Variants in CCDC7 observed in about 807,000 individuals in gnomAD.
The protein encoded by CCDC7 is coiled-coil domain containing 7.
CCDC7 carries 183 observed loss-of-function variants against 196.9 expected under a neutral mutation model. The ratio of observed to expected loss-of-function variants is 0.93; its 90% CI spans 0.82 to 1.05. The LOEUF (loss-of-function observed/expected upper bound fraction) is 1.05, where lower values mean the gene tolerates loss of function less well. Among genes scored for constraint, CCDC7 ranks in the 50% least tolerant of loss-of-function variants. The pLI is 0.00. For missense variants in CCDC7, 1,540 were observed against 1,482.2 expected, an observed-to-expected ratio of 1.04 and a Z score of -0.64; for synonymous variants, 525 against 484.6, an observed-to-expected ratio of 1.08 and a Z score of -1.10.
chr10:32,583,802 C>T lies in CCDC7; in HGVS notation c.1729-430C>T, dbSNP rs2058968793. Among the ~76,000 whole-genome samples the T allele has an allele frequency of 3.3e-5, 5 of 152,106 alleles. No homozygotes were observed. In the South Asian group the frequency reaches 1.0e-3, roughly 32 times the overall value. On this transcript the variant is annotated intron_variant, in intron 17 of 41. Coordinates refer to ENST00000639629, the Ensembl canonical transcript of CCDC7. The stretch of plus-strand genomic sequence containing the variant: ...AAAGGGAAAAGATAAAAGGGCTGTA[C>T]ATATTTGACATGTATCCACAATATA...
At chr10:32,492,783 C>T (rs530791631) in intron 9 of CCDC7, among the ~76,000 whole-genome samples, 200 of 151,976 alleles carry the variant, frequency 1.3e-3, no homozygotes, top group Non-Finnish European at 1.9e-3. Context: ...TGTAAAGTTA[C>T]GTAACACTGC....
intron 8 of CCDC7, among the ~76,000 whole-genome samples, chr10:32,488,031 A>C (rs1381249158): frequency 1.3e-5 from 2 of 152,218 alleles, no homozygotes; most frequent in Non-Finnish European, 2.9e-5. Context: ...GGGACATTTA[A>C]GTCTTCAGAG....
chr10:32,585,581 G>A lies in CCDC7; in HGVS notation c.1801+1277G>A, dbSNP rs534794088. ...GATGTTCCCCTCCCTGTGTCCATGT[G>A]TTCTCATTGTTCAGCTCCCACTTAT... is the stretch of plus-strand genomic sequence containing the variant. On this transcript the variant is annotated intron_variant, in intron 18 of 41. Coordinates refer to ENST00000639629, the Ensembl canonical transcript of CCDC7. 9.2e-5 allele frequency among the ~76,000 whole-genome samples: 14 copies of A among 152,090 alleles called. 2 individuals carry two copies. The South Asian group carries it at 2.7e-3, about 29-fold the overall frequency.
At chr10:32,477,428 C>T (rs1037985678) in intron 8 of CCDC7, among the ~76,000 whole-genome samples, 5 of 152,100 alleles carry the variant, frequency 3.3e-5, no homozygotes, top group African/African-American at 9.7e-5. Flanking sequence ...GTCTCGAACT[C>T]CTGAACTCGT....
At chr10:32,568,446 T>C (rs967625787) in intron 15 of CCDC7, among the ~76,000 whole-genome samples, 5 of 152,232 alleles carry the variant, frequency 3.3e-5, no homozygotes, top group Admixed American at 2.0e-4. Context: ...TATTTTTACC[T>C]TCTCTTTTTG....
chr10:32,485,238 G>A (rs1291971023), intron 8 of CCDC7, among the ~76,000 whole-genome samples: 5 of 151,446 alleles, frequency 3.3e-5, no homozygotes, highest in South Asian at 2.1e-4. Context: ...ACGGTGTGTC[G>A]AGGAATTTAT....
At chr10:32,661,541 C>T (rs1348805634) in intron 20 of CCDC7, among the ~76,000 whole-genome samples, 4 of 152,146 alleles carry the variant, frequency 2.6e-5, no homozygotes, top group Non-Finnish European at 5.9e-5. Context: ...AGCATACTAC[C>T]GAGATCTTGC....
At chr10:32,802,843 C>G (rs923909757) in intron 29 of CCDC7, among the ~76,000 whole-genome samples, 3 of 152,198 alleles carry the variant, frequency 2.0e-5, no homozygotes, top group Admixed American at 2.0e-4. Flanking sequence ...GGCTAGGAGA[C>G]TAAGCCAGTT....
intron 13 of CCDC7, among the ~76,000 whole-genome samples, chr10:32,554,330 C>G (rs995687136): frequency 2.0e-5 from 3 of 152,200 alleles, no homozygotes; most frequent in Non-Finnish European, 4.4e-5. Context: ...GAGTTCTGGC[C>G]AGGAGGTTTC....
chr10:32,493,062 A>C (rs903507142), intron 9 of CCDC7, among the ~76,000 whole-genome samples: 1 of 152,024 alleles, frequency 6.6e-6, no homozygotes, highest in African/African-American at 2.4e-5. Context: ...AAATCCTCAC[A>C]TACATATCTT....
chr10:32,633,710 GTGTGTGTGTGTGTGTGTGTGTATATATA>G (rs1432221163), intron 18 of CCDC7, among the ~76,000 whole-genome samples: 4 of 141,538 alleles, frequency 2.8e-5, no homozygotes, highest in African/African-American at 1.0e-4. Context: ...GTGTGTGTGT[GTGTGTGTGTGTGTGTGTGTGTATATATA>G]TGTGTGTGTG....
chr10:32,821,944 A>G (rs2135621029), intron 31 of CCDC7, among the ~76,000 whole-genome samples: 1 of 152,300 alleles, frequency 6.6e-6, no homozygotes, highest in South Asian at 2.1e-4. Context: ...CATGTACCCT[A>G]AAACTTAAAG....
At chr10:32,688,909 A>G in intron 22 of CCDC7, 144 bp from the exon 24 acceptor site, 1 of 602,628 alleles carries the variant, frequency 1.7e-6, no homozygotes. Flanking sequence ...CACCATTTTC[A>G]TAGTAGATAT....
At chr10:32,820,053 A>G (rs1207809932) in intron 31 of CCDC7, among the ~76,000 whole-genome samples, 1 of 152,224 alleles carries the variant, frequency 6.6e-6, no homozygotes, top group Non-Finnish European at 1.5e-5. Context: ...ACATGATTGT[A>G]TATCTAGAAA....
At chr10:32,611,520 C>T (rs1257344830) in intron 18 of CCDC7, among the ~76,000 whole-genome samples, 1 of 152,098 alleles carries the variant, frequency 6.6e-6, no homozygotes, top group Non-Finnish European at 1.5e-5. Context: ...AATGGTATTG[C>T]CTAGGTTTTC....
At chr10:32,799,347 T>C (rs980018048) in intron 29 of CCDC7, among the ~76,000 whole-genome samples, 1 of 152,188 alleles carries the variant, frequency 6.6e-6, no homozygotes, top group African/African-American at 2.4e-5. Flanking sequence ...CCACTGACAC[T>C]TCACGCACCA....
intron 21 of CCDC7, 149 bp from the exon 23 acceptor site, chr10:32,685,821 C>T (rs2076402056): frequency 1.8e-6 from 1 of 545,304 alleles, no homozygotes; most frequent in East Asian, 3.4e-5. Flanking sequence ...AGCATTTTCT[C>T]ATCAAATCTA....
intron 32 of CCDC7, among the ~76,000 whole-genome samples, chr10:32,833,510 T>C (rs2092381067): frequency 2.0e-5 from 3 of 152,118 alleles, no homozygotes; most frequent in Non-Finnish European, 2.9e-5. Context: ...CTTAAACCTA[T>C]CTGTCCTCAA....
chr10:32,667,188 T>C (rs1238864556), intron 21 of CCDC7, among the ~76,000 whole-genome samples: 1 of 152,242 alleles, frequency 6.6e-6, no homozygotes, highest in Non-Finnish European at 1.5e-5. Flanking sequence ...TGTCTGTTCA[T>C]ATCCTTTGCC....
Sources: allele counts gnomAD v4.1 joint callset (sites outside exome capture counted in the v4.1 genomes callset), GRCh38; gene constraint gnomAD v4.1.1; transcripts MANE v1.5; gene names NCBI Gene and HGNC (gene_info 2026-07-23, HGNC 2026-07-21).